DHRS3: variants seen among roughly 807,000 people sequenced by gnomAD.
DHRS3 encodes the protein dehydrogenase/reductase 3.
Under a neutral mutation model 27.2 loss-of-function variants are expected in DHRS3, and 14 were observed. The observed-to-expected ratio is 0.52, with a 90% CI of 0.34 to 0.81. DHRS3 has a LOEUF of 0.81. Among genes scored for constraint, DHRS3 ranks in the 30% least tolerant of loss-of-function variants. The probability of loss-of-function intolerance (pLI) is 0.01; values close to 1 mark genes in which losing one functional copy is unlikely to be tolerated. For missense variants in DHRS3, 322 were observed against 406.2 expected (o/e 0.79, Z 1.78); for synonymous variants, 165 against 175.9 (o/e 0.94, Z 0.49).
At chr1:12,616,451 T>G (rs76834451) in intron 1 of DHRS3, 1 of 674,512 alleles carries the variant, frequency 1.5e-6, no homozygotes, top group Admixed American at 6.4e-5. Flanking sequence ...GGACCCTCCT[T>G]GCAGCACCAC....
rs1053482080 is a variant in DHRS3, at chr1:12,592,338, G to A, written c.196-11672C>T. On this transcript the variant is annotated intron_variant, in intron 1 of 5. Coordinates refer to ENST00000616661, the MANE Select transcript of DHRS3 (RefSeq NM_004753.7). The surrounding 1 kb of genome is among the most constrained non-coding windows in gnomAD (Gnocchi z 4.2). Reference sequence around the variant, plus strand: ...GCTGAAAGAGGGTCTTTGGAATTGAGTAGCTGTAATTGAGTTGGGGATCTC... The same window carrying A: ...GCTGAAAGAGGGTCTTTGGAATTGAATAGCTGTAATTGAGTTGGGGATCTC... Among the ~76,000 whole-genome samples, 1 of 152,198 alleles carries A rather than the reference G, an allele frequency of 6.6e-6. No homozygotes were observed. Among genetic ancestry groups the A allele is most frequent in the Admixed American group, 6.5e-5 (1 of 15,284 alleles).
intron 1 of DHRS3, among the ~76,000 whole-genome samples, chr1:12,581,457 G>T (rs1288329209): frequency 3.9e-5 from 6 of 152,182 alleles, no homozygotes; most frequent in Non-Finnish European, 8.8e-5. Flanking sequence ...CTCCCATCTA[G>T]CTTCAGTCAC....
chr1:12,574,443 T>G lies in DHRS3; in HGVS notation c.699-1590A>C, dbSNP rs1027228026. 6.6e-6 allele frequency among the ~76,000 whole-genome samples: 1 copy of G among 152,168 alleles called. No homozygotes were observed. Among genetic ancestry groups the G allele is most frequent in the Non-Finnish European group, 1.5e-5 (1 of 68,026 alleles). On this transcript the variant is annotated intron_variant, in intron 4 of 5. Coordinates refer to ENST00000616661, the MANE Select transcript of DHRS3 (RefSeq NM_004753.7). This position sits in a 1 kb window ranked among gnomAD's most constrained non-coding sequence, Gnocchi z 4.6. ...CAGCCTCCCAAAGCACTGGGATTACTGGTGTGAACCCAGCTACCACGCCTG... is the reference window on the plus strand; with the variant it reads ...CAGCCTCCCAAAGCACTGGGATTACGGGTGTGAACCCAGCTACCACGCCTG...
intron 1 of DHRS3, 67 bp downstream of exon 1, chr1:12,617,087 G>T: frequency 6.7e-7 from 1 of 1,501,552 alleles, no homozygotes; most frequent in Non-Finnish European, 8.9e-7. Flanking sequence ...GGATCCCGCA[G>T]CGGCAGCAGG....
chr1:12,599,192 C>G (rs931336463), intron 1 of DHRS3, among the ~76,000 whole-genome samples: 2 of 152,256 alleles, frequency 1.3e-5, no homozygotes, highest in Non-Finnish European at 2.9e-5. Flanking sequence ...ACCCTTCCGG[C>G]TGACTGGTCT....
At chr1:12,571,437 T>A (rs1646535616) in intron 5 of DHRS3, among the ~76,000 whole-genome samples, 2 of 152,106 alleles carry the variant, frequency 1.3e-5, no homozygotes, top group African/African-American at 4.8e-5. Context: ...GCAGGGGCTA[T>A]GTCCAATAGG....
intron 1 of DHRS3, among the ~76,000 whole-genome samples, chr1:12,597,639 C>T (rs2100702163): frequency 6.6e-6 from 1 of 152,314 alleles, no homozygotes; most frequent in Non-Finnish European, 1.5e-5. Context: ...ATTTCCAGGC[C>T]TGGCTTGGTA....
At chr1:12,590,996 A>G (rs1467488919) in intron 1 of DHRS3, among the ~76,000 whole-genome samples, 6 of 152,054 alleles carry the variant, frequency 3.9e-5, no homozygotes, top group Non-Finnish European at 7.4e-5. Flanking sequence ...AAGGATGGGG[A>G]CAGAGAGATC....
intron 1 of DHRS3, among the ~76,000 whole-genome samples, chr1:12,610,244 A>ATTTT (rs113026130): frequency 7.0e-6 from 1 of 142,502 alleles, no homozygotes; most frequent in Non-Finnish European, 1.5e-5. Flanking sequence ...ATGCCCAGCA[A>ATTTT]TTTTTTTTTT....
At chr1:12,589,513 C>G (rs890365848) in intron 1 of DHRS3, among the ~76,000 whole-genome samples, 2 of 151,834 alleles carry the variant, frequency 1.3e-5, no homozygotes, top group African/African-American at 4.8e-5. Flanking sequence ...CTCAGCCTCC[C>G]AAGTAGCTGG....
intron 1 of DHRS3, among the ~76,000 whole-genome samples, chr1:12,616,124 A>G (rs963140330): frequency 1.3e-5 from 2 of 152,240 alleles, no homozygotes; most frequent in African/African-American, 4.8e-5. Context: ...TCTACAGTAC[A>G]TATTTACTTA....
At chr1:12,601,043 T>A (rs1646832627) in intron 1 of DHRS3, among the ~76,000 whole-genome samples, 1 of 152,052 alleles carries the variant, frequency 6.6e-6, no homozygotes, top group African/African-American at 2.4e-5. Context: ...TCTGCAGGAT[T>A]AGCTCTGGAG....
intron 1 of DHRS3, among the ~76,000 whole-genome samples, chr1:12,584,992 TGG>T (rs1646680710): frequency 6.6e-6 from 1 of 151,506 alleles, no homozygotes; most frequent in South Asian, 2.1e-4. Flanking sequence ...TATGTGTCTG[TGG>T]GTGTGTGTCT....
chr1:12,589,692 G>A (rs921330510), intron 1 of DHRS3, among the ~76,000 whole-genome samples: 2 of 152,158 alleles, frequency 1.3e-5, no homozygotes, highest in African/African-American at 4.8e-5. Context: ...CACAATAAAT[G>A]CCAGCTGTGG....
At chr1:12,584,171 T>C (rs774683699) in intron 1 of DHRS3, among the ~76,000 whole-genome samples, 2 of 151,786 alleles carry the variant, frequency 1.3e-5, no homozygotes, top group Admixed American at 6.6e-5. Flanking sequence ...GCTGGGCAAA[T>C]TGACAGAGAG....
intron 1 of DHRS3, among the ~76,000 whole-genome samples, chr1:12,606,285 A>T (rs1646870787): frequency 6.6e-6 from 1 of 150,522 alleles, no homozygotes; most frequent in Non-Finnish European, 1.5e-5. Context: ...TTTGTGCTCT[A>T]ACTGAAGAGG....
chr1:12,569,453 G>A (rs1202462227), intron 5 of DHRS3, among the ~76,000 whole-genome samples: 1 of 152,066 alleles, frequency 6.6e-6, no homozygotes, highest in Non-Finnish European at 1.5e-5. Flanking sequence ...ATACAGGCAT[G>A]CAAATGTATA....
At chr1:12,607,543 C>T (rs1280734654) in intron 1 of DHRS3, among the ~76,000 whole-genome samples, 1 of 152,184 alleles carries the variant, frequency 6.6e-6, no homozygotes, top group African/African-American at 2.4e-5. Flanking sequence ...CTCCTTCTGC[C>T]ATGATGGTAA....
intron 1 of DHRS3, among the ~76,000 whole-genome samples, chr1:12,583,714 C>A (rs1298466175): frequency 6.6e-6 from 1 of 151,512 alleles, no homozygotes; most frequent in African/African-American, 2.4e-5. Flanking sequence ...ACTCACCTAC[C>A]CTACTCCATC....
Sources: allele counts gnomAD v4.1 joint callset (sites outside exome capture counted in the v4.1 genomes callset), GRCh38; gene constraint gnomAD v4.1.1; non-coding constraint Gnocchi (gnomAD v3.1); transcripts MANE v1.5; gene names NCBI Gene and HGNC (gene_info 2026-07-23, HGNC 2026-07-21).